Variants in PCDHGA4 observed in about 807,000 individuals in gnomAD.
The protein encoded by PCDHGA4 is protocadherin gamma-A4.
In PCDHGA4, 38 loss-of-function variants were observed where a neutral mutation model predicts 54.6. The ratio of observed to expected loss-of-function variants is 0.70; its 90% CI spans 0.54 to 0.91. PCDHGA4 has a LOEUF of 0.91. PCDHGA4 is among the 40% of genes least tolerant of loss of function. PCDHGA4 has a pLI of 0.00. For missense variants in PCDHGA4, 1,298 were observed against 1,220.9 expected, an observed-to-expected ratio of 1.06 and a Z score of -0.94; for synonymous variants, 511 against 512.9, an observed-to-expected ratio of 1.00 and a Z score of 0.05.
chr5:141,491,178 C>T lies in PCDHGA4; in HGVS notation c.2515-3629C>T, dbSNP rs774139827. 6.2e-7 allele frequency: 1 copy of T among 1,614,146 alleles called. No individual in the cohort carries two copies. The highest frequency in any genetic ancestry group is 8.5e-7 in the Non-Finnish European group (1 of 1,179,992). On this transcript the variant is annotated intron_variant, in intron 1 of 3. Coordinates refer to ENST00000571252, the MANE Select transcript of PCDHGA4 (RefSeq NM_018917.4). The surrounding 1 kb of genome is among the most constrained non-coding windows in gnomAD (Gnocchi z 6.9). ...ACTCTGACACCCAGCAGGTGGTGGT[C>T]CTGGTGAGGGACAATGGTGACCCTT...
At chr5:141,365,384 C>G in intron 1 of PCDHGA4, 1 of 1,614,020 alleles carries the variant, frequency 6.2e-7, no homozygotes, top group Non-Finnish European at 8.5e-7. Context: ...CCTCACCTCT[C>G]TGACCAGTTC....
In PCDHGA4 at chr5:141,432,654, T is replaced by C. The variant is rs2097525297; in HGVS notation, c.2515-62153T>C. ...GGCGAGGTGCGCACGGCGCGAGCCC[T>C]GCTGGACAGAGACGCGCTCAAGCAG... is the stretch of plus-strand genomic sequence containing the variant. On this transcript the variant is annotated intron_variant, in intron 1 of 3. Transcript: ENST00000571252. This position sits in a 1 kb window ranked among gnomAD's most constrained non-coding sequence, Gnocchi z 6.0. The C allele has an allele frequency of 1.2e-6, 2 of 1,613,816 alleles. No homozygotes were observed. Among genetic ancestry groups the C allele is most frequent in the African/African-American group, 1.3e-5 (1 of 75,034 alleles).
intron 1 of PCDHGA4, among the ~76,000 whole-genome samples, chr5:141,381,944 C>G (rs1777787484): frequency 6.7e-6 from 1 of 149,738 alleles, no homozygotes; most frequent in African/African-American, 2.5e-5. Context: ...ATTTTCCTGC[C>G]TCAGCCTCCT....
chr5:141,462,078 C>T (rs2154567608), intron 1 of PCDHGA4, among the ~76,000 whole-genome samples: 1 of 152,304 alleles, frequency 6.6e-6, no homozygotes, highest in East Asian at 1.9e-4. Flanking sequence ...CCGCCTTGGC[C>T]TCCCAAAATG....
At position 141,477,748 on chromosome 5, in the gene PCDHGA4, C is replaced by T; in HGVS notation, c.2515-17059C>T. ...CAGCTCATATCAGCGATGGGGGCAC[C>T]CCGGTCCTAGCCACCAACATCAGCG... On this transcript the variant is annotated intron_variant, in intron 1 of 3. Transcript: ENST00000571252. The surrounding 1 kb of genome is among the most constrained non-coding windows in gnomAD (Gnocchi z 4.9). 6.2e-7 allele frequency: 1 copy of T among 1,613,872 alleles called. No homozygotes were observed. The highest frequency in any genetic ancestry group is 1.1e-5 in the South Asian group (1 of 91,080).
At chr5:141,415,081 C>T in intron 1 of PCDHGA4, 1 of 1,613,522 alleles carries the variant, frequency 6.2e-7, no homozygotes, top group Non-Finnish European at 8.5e-7. Context: ...GGCGCGAGCC[C>T]TGCTGGACAG....
chr5:141,393,356 C>G (rs1174239790), intron 1 of PCDHGA4: 3 of 1,613,978 alleles, frequency 1.9e-6, no homozygotes, highest in East Asian at 2.2e-5. Context: ...TCTCCCTGGA[C>G]GTGCAGACTG....
chr5:141,432,415 G>A lies in PCDHGA4; in HGVS notation c.2515-62392G>A, dbSNP rs2097498934. The A allele has an allele frequency of 6.2e-7, 1 of 1,614,112 alleles. No homozygotes were observed. The highest frequency in any genetic ancestry group is 1.1e-5 in the South Asian group (1 of 91,092). On this transcript the variant is annotated intron_variant, in intron 1 of 3. Transcript: ENST00000571252. This position sits in a 1 kb window ranked among gnomAD's most constrained non-coding sequence, Gnocchi z 6.0. ...GCAACGTGTCGTTGAGCCTGTTCGT[G>A]CTGGACCAGAACGACAATGCGCCCG... is the stretch of plus-strand genomic sequence containing the variant.
rs1003050993 is a variant in PCDHGA4, at chr5:141,477,637, T to A, written c.2515-17170T>A. ...AAGGAGCTGAAACCGGGCTAGTGGG[T>A]CGCTATTTCACAATAAATCGTGACA... On this transcript the variant is annotated intron_variant, in intron 1 of 3. Transcript: ENST00000571252. This position sits in a 1 kb window ranked among gnomAD's most constrained non-coding sequence, Gnocchi z 4.9. 6.2e-7 allele frequency: 1 copy of A among 1,614,154 alleles called. No individual in the cohort carries two copies. Among genetic ancestry groups the A allele is most frequent in the African/African-American group, 1.3e-5 (1 of 75,040 alleles).
At chr5:141,424,525 A>G (rs1010194490) in intron 1 of PCDHGA4, 2 of 152,196 alleles carry the variant, frequency 1.3e-5, no homozygotes, top group Non-Finnish European at 2.9e-5. Context: ...TAGTAAATCC[A>G]TATATAGAAA....
chr5:141,361,529 ATCC>A (rs768400418), intron 1 of PCDHGA4: 1 of 1,614,030 alleles, frequency 6.2e-7, no homozygotes, highest in South Asian at 1.1e-5. Context: ...GCAGAGAACA[ATCC>A]TCCTGGCGCC....
intron 1 of PCDHGA4, among the ~76,000 whole-genome samples, chr5:141,406,298 T>G (rs2154537368): frequency 6.6e-6 from 1 of 152,178 alleles, no homozygotes; most frequent in East Asian, 1.9e-4. Flanking sequence ...GGGTGAGGTG[T>G]GAACCACCTC....
rs762863131 is a variant in PCDHGA4, at chr5:141,355,345, GC to G, written c.240del (p.Lys81ArgfsTer28). On this transcript the variant is annotated frameshift_variant, in exon 1 of 4. Coordinates refer to ENST00000571252, the MANE Select transcript of PCDHGA4 (RefSeq NM_018917.4). LOFTEE classifies it high-confidence loss of function. Reference sequence around the variant, plus strand: ...AGAAGGCTCAGTGGTGGGCAACATCGCCAAGGACCTGGGGTTGGCGCCCCGG... The same window carrying G: ...AGAAGGCTCAGTGGTGGGCAACATCGCAAGGACCTGGGGTTGGCGCCCCGG... ...QEEGSVVGNI[A>X]KDLGLAPREL... 1.1e-5 allele frequency: 17 copies of G among 1,613,902 alleles called. No individual in the cohort carries two copies. The highest frequency in any genetic ancestry group is 1.3e-5 in the African/African-American group (1 of 74,948).
At chr5:141,385,492 A>T in intron 1 of PCDHGA4, 15 of 1,394,884 alleles carry the variant, frequency 1.1e-5, no homozygotes, top group Non-Finnish European at 1.4e-5. Flanking sequence ...AACACATAGG[A>T]TATAGTATTT....
intron 1 of PCDHGA4, among the ~76,000 whole-genome samples, chr5:141,462,493 A>G (rs1432919197): frequency 2.0e-5 from 3 of 152,144 alleles, no homozygotes; most frequent in South Asian, 4.1e-4. Context: ...GTTGTATCCT[A>G]TAATTGTCAA....
Position 141,510,968 on chromosome 5 carries a change from C to A in PCDHGA4, c.2684C>A (p.Thr895Asn). 1 of 1,614,150 alleles carries A rather than the reference C, an allele frequency of 6.2e-7. No individual in the cohort carries two copies. The highest frequency in any genetic ancestry group is 8.5e-7 in the Non-Finnish European group (1 of 1,180,014). The change falls in exon 4 of 4, where the codon ACC becomes AAC. Residue 895 changes from threonine (T) to asparagine (N), a missense_variant. Transcript: ENST00000571252. ...SASEAADGSS[T>N]LGGGAGTMGL... ...GCAGAAGCTGCTGATGGGAGCTCCA[C>A]CCTGGGAGGGGGTGCCGGCACCATG...
At chr5:141,376,666 TG>T in intron 1 of PCDHGA4, 2 of 712,058 alleles carry the variant, frequency 2.8e-6, no homozygotes, top group East Asian at 6.0e-5. Context: ...CTTGTTCAGG[TG>T]AGGGTATCGT....
At chr5:141,408,479 G>A in intron 1 of PCDHGA4, 1 of 1,614,074 alleles carries the variant, frequency 6.2e-7, no homozygotes, top group Non-Finnish European at 8.5e-7. Flanking sequence ...AATAGACCGT[G>A]AGCAAATATG....
intron 1 of PCDHGA4, chr5:141,388,882 T>C (rs1038312572): frequency 6.2e-7 from 1 of 1,613,800 alleles, no homozygotes; most frequent in Non-Finnish European, 8.5e-7. Context: ...ACAGTGGAGG[T>C]AGAAGTCATA....
Sources: allele counts gnomAD v4.1 joint callset (sites outside exome capture counted in the v4.1 genomes callset), GRCh38; gene constraint gnomAD v4.1.1; non-coding constraint Gnocchi (gnomAD v3.1); transcripts MANE v1.5; gene names NCBI Gene and HGNC (gene_info 2026-07-23, HGNC 2026-07-21).